CLN5: variants seen among roughly 807,000 people sequenced by gnomAD.
CLN5 encodes CLN5 lysosomal BMP synthase.
A neutral mutation model predicts 36.7 loss-of-function variants in CLN5; 34 were observed. That is an observed-to-expected ratio of 0.93 (90% confidence interval 0.71 to 1.23). CLN5 has a LOEUF of 1.23. CLN5 is among the 50% of genes most tolerant of loss of function. The pLI is 0.00. For synonymous variants in CLN5, 151 were observed against 155.1 expected (o/e 0.97, Z 0.20); for missense variants, 427 against 439.4 (o/e 0.97, Z 0.25).
chr13:76,992,306 GGTC>G lies in CLN5; in HGVS notation c.173+37_173+39del, dbSNP rs1566217341. 3 of 1,523,836 alleles carry G rather than the reference GGTC, an allele frequency of 2.0e-6. No individual in the cohort carries two copies. The East Asian group carries it at 7.3e-5, about 37-fold the overall frequency. 94.4% of individuals were successfully genotyped at this position (1,523,836 alleles called of 1,614,324 possible). ...GCGGCGCGCGCACTGTCGGGGTTGG[GGTC>G]GGCGTTGACGATGGGGGATGGGGTG... On this transcript the variant is annotated intron_variant, in intron 1 of 3. Coordinates refer to ENST00000377453, the MANE Select transcript of CLN5 (RefSeq NM_006493.4).
chr13:77,004,180 G>GA lies in CLN5; in HGVS notation c.*3211_*3212insA. 1 of 152,234 alleles carries GA rather than the reference G, an allele frequency of 6.6e-6. No individual in the cohort carries two copies. The allele number at this position is 152,234 out of a possible 1,614,324, so 9.4% of individuals were successfully genotyped here. On this transcript the variant is annotated 3_prime_UTR_variant, in exon 4 of 4. Transcript: ENST00000377453. Reference sequence around the variant, plus strand: ...AATTGGAGAAAAAAATCAAGTCTTAGGAAGTCTTATCCAGTTTTATGGTCT... The same window carrying GA: ...AATTGGAGAAAAAAATCAAGTCTTAGAGAAGTCTTATCCAGTTTTATGGTCT...
Position 76,992,349 on chromosome 13 carries a change from C to T in CLN5, c.173+78C>T, listed in dbSNP as rs1455868506. On this transcript the variant is annotated intron_variant, in intron 1 of 3. Coordinates refer to ENST00000377453, the MANE Select transcript of CLN5 (RefSeq NM_006493.4). ...GGGATGGGGTGCTGGGGCGGGGACC[C>T]CTGCTCACCGTGGTTTGTGTCGGGT... The T allele has an allele frequency of 2.9e-6, 4 of 1,402,070 alleles. No homozygotes were observed. The South Asian group carries it at 4.1e-5, about 14-fold the overall frequency. 86.9% of individuals were successfully genotyped at this position (1,402,070 alleles called of 1,614,324 possible).
At position 76,995,939 on chromosome 13, in the gene CLN5, T is replaced by G. The variant is rs386833972; in HGVS notation, c.377T>G (p.Leu126Ter). The G allele has an allele frequency of 3.1e-6, 5 of 1,614,190 alleles. No individual in the cohort carries two copies. The highest frequency in any genetic ancestry group is 4.2e-6 in the Non-Finnish European group (5 of 1,180,018). ...GATGCCATTGGATTCAGAAGTACAT[T>G]AACTGGCAAGAACTACACAATGGAA... is the stretch of plus-strand genomic sequence containing the variant. The part of the protein sequence containing the change: ...MHDAIGFRST[L>*]TGKNYTMEWY... Residue 126 changes from leucine (L) to a stop codon, truncating the protein, a stop_gained, in exon 3 of 4, where the codon TTA becomes TGA. Transcript: ENST00000377453. LOFTEE classifies it high-confidence loss of function.
At chr13:76,999,635 AG>A (rs1445048054) in intron 3 of CLN5, 2 of 152,250 alleles carry the variant, frequency 1.3e-5, no homozygotes, top group Non-Finnish European at 2.9e-5. Context: ...GTGGCTCCTC[AG>A]GCAGCCATTC....
In CLN5 at chr13:76,995,537, T is replaced by C. The variant is rs9573972; in HGVS notation, c.339+309T>C. 0.085 allele frequency: 41,802 copies of C among 489,836 alleles called. 2,647 individuals are homozygous for C. The highest frequency in any genetic ancestry group is 0.21 in the East Asian group (5,246 of 25,152). 30.3% of individuals were successfully genotyped at this position (489,836 alleles called of 1,614,324 possible). Reference sequence around the variant, plus strand: ...AGGTAACACCTCTTGATTTCCATACTCTGTTGTAGTCACTTTTCCAGGTTA... The same window carrying C: ...AGGTAACACCTCTTGATTTCCATACCCTGTTGTAGTCACTTTTCCAGGTTA... On this transcript the variant is annotated intron_variant, in intron 2 of 3. Coordinates refer to ENST00000377453, the MANE Select transcript of CLN5 (RefSeq NM_006493.4).
rs1038644605 is a variant in CLN5 at position 76,996,651 on chromosome 13, G to C, written c.565+524G>C. 2.4e-5 allele frequency: 4 copies of C among 169,830 alleles called. 1 individual carries two copies. Among genetic ancestry groups the C allele is most frequent in the African/African-American group, 9.6e-5 (4 of 41,512 alleles). 10.5% of individuals were successfully genotyped at this position (169,830 alleles called of 1,614,324 possible). ...TTTCATTCCTTTTTATGGCTGAGTAGTATTATTCCTTGGTATATATACACC... is the reference window on the plus strand; with the variant it reads ...TTTCATTCCTTTTTATGGCTGAGTACTATTATTCCTTGGTATATATACACC... On this transcript the variant is annotated intron_variant, in intron 3 of 3. Coordinates refer to ENST00000377453, the MANE Select transcript of CLN5 (RefSeq NM_006493.4).
chr13:76,992,470 C>T (rs972222311), intron 1 of CLN5, 199 bp downstream of exon 1: 6 of 621,404 alleles, frequency 9.7e-6, no homozygotes, highest in Middle Eastern at 4.4e-4. Context: ...TTACGTGCAG[C>T]CCTGGGACCT....
At position 76,995,066 on chromosome 13, in the gene CLN5, C is replaced by CTTTA. The variant is rs1463465028; in HGVS notation, c.180_181insATTT (p.Asp61IlefsTer2). Reference sequence around the variant, plus strand: ...ATGGTTTCTTTTTCTTTATTAGGCGCTTTGACTTCCGTCCAAAACCTGATC... The same window carrying CTTTA: ...ATGGTTTCTTTTTCTTTATTAGGCGCTTTATTTGACTTCCGTCCAAAACCTGATC... On this transcript the variant is annotated frameshift_variant, in exon 2 of 4. Transcript: ENST00000377453. LOFTEE classifies it high-confidence loss of function. The CTTTA allele has an allele frequency of 6.2e-7, 1 of 1,613,624 alleles. No homozygotes were observed. Among genetic ancestry groups the CTTTA allele is most frequent in the Non-Finnish European group, 8.5e-7 (1 of 1,179,878 alleles).
In CLN5 at chr13:77,000,488, T is replaced by C. The variant is rs1566221309; in HGVS notation, c.596T>C (p.Val199Ala). The change falls in exon 4 of 4, where the codon GTG (valine) becomes GCG (alanine). Residue 199 changes from valine (V) to alanine (A), a missense_variant. Val to Ala is a moderately conservative substitution (Grantham distance 64). Transcript: ENST00000377453. ...GNMFNQMAKW[V>A]KQDNETGIYY... ...ATGTTCAACCAAATGGCAAAGTGGG[T>C]GAAACAGGACAATGAAACAGGAATT... 1 of 1,612,864 alleles carries C rather than the reference T, an allele frequency of 6.2e-7. No homozygotes were observed. The highest frequency in any genetic ancestry group is 1.3e-5 in the African/African-American group (1 of 74,642).
At position 76,992,124 on chromosome 13, in the gene CLN5, A is replaced by G. The variant is rs1230755416; in HGVS notation, c.26A>G (p.Gln9Arg). 5 of 1,610,610 alleles carry G rather than the reference A, an allele frequency of 3.1e-6. No homozygotes were observed. The highest frequency in any genetic ancestry group is 2.7e-5 in the African/African-American group (2 of 74,636). MAQEVDTA[Q>R]GAEMRRGAGA... ...ATGGCGCAGGAGGTAGACACGGCAC[A>G]GGGCGCCGAGATGCGGCGGGGCGCG... The change falls in exon 1 of 4, where the codon CAG (glutamine) becomes CGG (arginine). Residue 9 changes from glutamine (Q) to arginine (R), a missense_variant. Transcript: ENST00000377453.
rs1431930728 is a variant in CLN5 at position 77,004,783 on chromosome 13, T to C, written c.*3814T>C. 6.6e-6 allele frequency: 1 copy of C among 152,200 alleles called. No individual in the cohort carries two copies. The highest frequency in any genetic ancestry group is 1.5e-5 in the Non-Finnish European group (1 of 68,020). 9.4% of individuals were successfully genotyped at this position (152,200 alleles called of 1,614,324 possible). ...AGTTCTTAAAATGCACTAAATTGACTTAATCTTCAATCATACCTATTTTTT... is the reference window on the plus strand; with the variant it reads ...AGTTCTTAAAATGCACTAAATTGACCTAATCTTCAATCATACCTATTTTTT... On this transcript the variant is annotated 3_prime_UTR_variant, in exon 4 of 4. Coordinates refer to ENST00000377453, the MANE Select transcript of CLN5 (RefSeq NM_006493.4).
chr13:76,992,191 G>A lies in CLN5; in HGVS notation c.93G>A (p.Ala31=), dbSNP rs971404954. 3 of 1,604,548 alleles carry A rather than the reference G, an allele frequency of 1.9e-6. No homozygotes were observed. Among genetic ancestry groups the A allele is most frequent in the African/African-American group, 2.7e-5 (2 of 74,722 alleles). ...GCGCTTCCTGGTGCTGGGCCCTGGC[G>A]CTGCTTTGGCTCGCGGTGGTTCCGG... The part of the protein sequence containing the change: ...RGRASWCWAL[A]LLWLAVVPGW... The change falls in exon 1 of 4, where the codon GCG becomes GCA. Residue 31 remains alanine, a synonymous_variant. Transcript: ENST00000377453.
intron 3 of CLN5, chr13:76,999,650 C>CT (rs1195051236): frequency 6.6e-6 from 1 of 152,236 alleles, no homozygotes; most frequent in African/African-American, 2.4e-5. Flanking sequence ...GCCATTCATA[C>CT]TTTATGTGTA....
chr13:76,994,089 C>T (rs1052977608), intron 1 of CLN5: 4 of 152,094 alleles, frequency 2.6e-5, no homozygotes, highest in South Asian at 2.1e-4. Flanking sequence ...TCTTTTAATT[C>T]GTGAAATAAG....
At position 77,001,124 on chromosome 13, in the gene CLN5, C is replaced by T. The variant is rs700365; in HGVS notation, c.*155C>T. 27,941 of 626,314 alleles carry T rather than the reference C, an allele frequency of 0.045. 2,090 individuals carry two copies. Among genetic ancestry groups the T allele is most frequent in the African/African-American group, 0.25 (13,521 of 54,086 alleles). 38.8% of individuals were successfully genotyped at this position (626,314 alleles called of 1,614,324 possible). A position where few individuals can be genotyped will look rare whatever the true frequency, so the allele number is the denominator to read the frequency against. ...TGCTGCATATTAACATCTCAGGACT[C>T]TTCTCTTGTAAAGAAGCTGAAATTC... On this transcript the variant is annotated 3_prime_UTR_variant, in exon 4 of 4. Transcript: ENST00000377453.
Position 76,995,228 on chromosome 13 carries a change from G to C in CLN5, c.339G>C (p.Leu113Phe), listed in dbSNP as rs147214555. The C allele has an allele frequency of 6.2e-7, 1 of 1,613,822 alleles. No homozygotes were observed. Among genetic ancestry groups the C allele is most frequent in the Non-Finnish European group, 8.5e-7 (1 of 1,179,792 alleles). ...AATATGGAGACCTCCTGGGACACTT[G>C]GTAAGGATGCATCTTGGTCTTATAA... is the stretch of plus-strand genomic sequence containing the variant. Reference protein sequence around the residue: ...EFKYGDLLGHLKIMHDAIGFR... With the variant: ...EFKYGDLLGHFKIMHDAIGFR... The change falls in exon 2 of 4, where the codon TTG (leucine) becomes TTC (phenylalanine). Residue 113 changes from leucine (L) to phenylalanine (F), a missense_variant and splice_region_variant. Physicochemically the swap from Leu to Phe is conservative, Grantham distance 22. Coordinates refer to ENST00000377453, the MANE Select transcript of CLN5 (RefSeq NM_006493.4).
At chr13:76,992,320 A>C in intron 1 of CLN5, 49 bp downstream of exon 1, 10 of 608,198 alleles carry the variant, frequency 1.6e-5, no homozygotes, top group Non-Finnish European at 2.5e-5. Context: ...GGCGTTGACG[A>C]TGGGGGATGG....
intron 2 of CLN5, 23 bp downstream of exon 2, chr13:76,995,251 T>C (rs1009155401): frequency 5.0e-6 from 8 of 1,608,694 alleles, no homozygotes; most frequent in Admixed American, 1.7e-5. Context: ...CTTGGTCTTA[T>C]AACTTTGGTT....
chr13:77,000,058 A>G (rs1371802597), intron 3 of CLN5: 1 of 151,696 alleles, frequency 6.6e-6, no homozygotes, highest in Non-Finnish European at 1.5e-5. Flanking sequence ...AGAACATTTT[A>G]CTTAAAATTA....
Sources: allele counts gnomAD v4.1 joint callset, GRCh38; gene constraint gnomAD v4.1.1; transcripts MANE v1.5; gene names NCBI Gene and HGNC (gene_info 2026-07-23, HGNC 2026-07-21).